The following NPSR1 variants were observed in gnomAD, a reference collection of about 807,000 sequenced individuals.
NPSR1 encodes the protein neuropeptide S receptor 1, also known as neuropeptide S receptor.
In NPSR1, 48 loss-of-function variants were observed where a neutral mutation model predicts 46.9. The ratio of observed to expected loss-of-function variants is 1.02; its 90% confidence interval spans 0.81 to 1.30. The LOEUF is 1.30. Among genes scored for constraint, NPSR1 ranks in the 50% most tolerant of loss-of-function variants. The probability of loss-of-function intolerance (pLI) is 0.00; values close to 1 mark genes in which losing one functional copy is unlikely to be tolerated. For synonymous variants in NPSR1, 176 were observed against 168.1 expected (o/e 1.05, Z -0.36); for missense variants, 450 against 449.5 (o/e 1.00, Z -0.01).
chr7:34,802,194 T>G (rs1788454933), intron 3 of NPSR1, among the ~76,000 whole-genome samples: 1 of 150,416 alleles, frequency 6.6e-6, no homozygotes, highest in Non-Finnish European at 1.5e-5. Context: ...ATGACTTTCT[T>G]CACAGAATTG....
intron 1 of NPSR1, among the ~76,000 whole-genome samples, chr7:34,666,204 C>T (rs1302089295): frequency 6.6e-6 from 1 of 152,088 alleles, no homozygotes; most frequent in Non-Finnish European, 1.5e-5. Context: ...ATGATGCTAT[C>T]GGATTTTGGG....
chr7:34,694,845 G>C (rs1212865464), intron 2 of NPSR1, among the ~76,000 whole-genome samples: 3 of 152,158 alleles, frequency 2.0e-5, no homozygotes, highest in Admixed American at 2.0e-4. Flanking sequence ...GAGTAGCTGG[G>C]ACTACAGGTG....
At chr7:34,669,333 C>T (rs552586587) in intron 1 of NPSR1, among the ~76,000 whole-genome samples, 16 of 152,100 alleles carry the variant, frequency 1.1e-4, no homozygotes, top group Non-Finnish European at 1.3e-4. Context: ...GAGATCAAAG[C>T]GGGTGGATCA....
At position 34,837,447 on chromosome 7, in the gene NPSR1, T is replaced by G. The variant is rs529064716; in HGVS notation, c.757+2987T>G. On this transcript the variant is annotated intron_variant, in intron 6 of 8. Transcript: ENST00000360581. Reference sequence around the variant, plus strand: ...TGGAGCAGCTCCTGTCTGCCACTGCTAGGTCCTTTCCTTGTGTTCTTCCCT... The same window carrying G: ...TGGAGCAGCTCCTGTCTGCCACTGCGAGGTCCTTTCCTTGTGTTCTTCCCT... Among the ~76,000 whole-genome samples, 74 of 152,364 alleles carry G rather than the reference T, an allele frequency of 4.9e-4. 1 individual carries two copies. The highest frequency in any genetic ancestry group is 2.1e-3 in the Admixed American group (32 of 15,310).
intron 8 of NPSR1, among the ~76,000 whole-genome samples, chr7:34,861,064 T>C (rs937143731): frequency 7.2e-5 from 11 of 152,012 alleles, no homozygotes; most frequent in African/African-American, 2.7e-4. Flanking sequence ...CCAATGCTGA[T>C]TGAGGCTTCG....
At chr7:34,860,829 T>C (rs937215737) in intron 8 of NPSR1, among the ~76,000 whole-genome samples, 2 of 151,818 alleles carry the variant, frequency 1.3e-5, no homozygotes, top group African/African-American at 2.4e-5. Context: ...TTCTCAGACT[T>C]GGCCCCTCCT....
At chr7:34,771,225 G>A (rs976731345) in intron 2 of NPSR1, among the ~76,000 whole-genome samples, 6 of 152,074 alleles carry the variant, frequency 3.9e-5, no homozygotes, top group African/African-American at 7.2e-5. Flanking sequence ...ACTTGAGCCC[G>A]GGAGTTCAAG....
chr7:34,827,371 C>T (rs1789905461), intron 4 of NPSR1, 30 bp from the exon 5 acceptor site: 1 of 1,606,404 alleles, frequency 6.2e-7, no homozygotes, highest in Non-Finnish European at 8.5e-7. Context: ...TTGCCACATA[C>T]CCAGACATTC....
At chr7:34,834,131 G>A (rs558679477) in intron 5 of NPSR1, 13 of 505,204 alleles carry the variant, frequency 2.6e-5, no homozygotes, top group Non-Finnish European at 4.2e-5. Context: ...AAACCATTTG[G>A]GCTACCTTGA....
At chr7:34,827,758 G>A (rs1290394894) in intron 5 of NPSR1, among the ~76,000 whole-genome samples, 156 bp downstream of exon 5, 2 of 152,144 alleles carry the variant, frequency 1.3e-5, no homozygotes, top group East Asian at 1.9e-4. Context: ...GCTACCATAG[G>A]CTAAGCCCAA....
chr7:34,718,710 CTG>C (rs142635024), intron 2 of NPSR1, among the ~76,000 whole-genome samples: 9,075 of 152,198 alleles, frequency 0.06, 350 homozygotes, highest in Middle Eastern at 0.13. Flanking sequence ...TGCTGAGCCT[CTG>C]TGTTTGTGAG....
intron 1 of NPSR1, among the ~76,000 whole-genome samples, chr7:34,659,748 A>G (rs1791359187): frequency 6.6e-6 from 1 of 152,162 alleles, no homozygotes; most frequent in African/African-American, 2.4e-5. Flanking sequence ...TGTAGCTTAG[A>G]AAGTAAAATT....
intron 3 of NPSR1, among the ~76,000 whole-genome samples, chr7:34,786,291 T>C (rs1787464234): frequency 6.6e-6 from 1 of 152,170 alleles, no homozygotes; most frequent in Admixed American, 6.6e-5. Context: ...TGCTCATCCA[T>C]AATAAGCAAT....
chr7:34,808,714 C>T (rs1046290086), intron 3 of NPSR1, among the ~76,000 whole-genome samples: 1 of 152,062 alleles, frequency 6.6e-6, no homozygotes, highest in African/African-American at 2.4e-5. Context: ...TCTGAGAAAA[C>T]TGTTCTGTGC....
At chr7:34,844,324 T>A (rs1435990315) in intron 6 of NPSR1, among the ~76,000 whole-genome samples, 1 of 152,218 alleles carries the variant, frequency 6.6e-6, no homozygotes, top group Non-Finnish European at 1.5e-5. Context: ...TAGATTCTTA[T>A]ATTTACCCCT....
intron 2 of NPSR1, among the ~76,000 whole-genome samples, chr7:34,747,739 C>A (rs1785282691): frequency 1.3e-5 from 2 of 152,200 alleles, no homozygotes; most frequent in African/African-American, 4.8e-5. Flanking sequence ...TAATTGACTG[C>A]AATTAAGTTT....
At chr7:34,774,305 T>G (rs1442330951) in intron 2 of NPSR1, among the ~76,000 whole-genome samples, 1 of 152,216 alleles carries the variant, frequency 6.6e-6, no homozygotes, top group Non-Finnish European at 1.5e-5. Context: ...GTGTGAGCTA[T>G]GCAAGGGCAC....
In NPSR1 at chr7:34,751,371, G is replaced by C. The variant is rs555409791; in HGVS notation, c.281-27091G>C. ...AAGCAGCTGCAGAGAGGTCTGGGTT[G>C]CTATAGAGGCCTGAGTTGTTGTAGA... On this transcript the variant is annotated intron_variant, in intron 2 of 8. Transcript: ENST00000360581. 398 of 1,032,140 alleles carry C rather than the reference G, an allele frequency of 3.9e-4. 1 individual carries two copies. The African/African-American group carries it at 5.0e-3, about 13-fold the overall frequency. 63.9% of individuals were successfully genotyped at this position (1,032,140 alleles called of 1,614,324 possible).
chr7:34,751,188 C>G (rs1274627340), intron 2 of NPSR1: 8 of 1,114,630 alleles, frequency 7.2e-6, no homozygotes, highest in Non-Finnish European at 9.7e-6. Context: ...TCCAGGGGTC[C>G]ACCAGATTGG....
Sources: allele counts gnomAD v4.1 joint callset (sites outside exome capture counted in the v4.1 genomes callset), GRCh38; gene constraint gnomAD v4.1.1; transcripts MANE v1.5; gene names NCBI Gene and HGNC (gene_info 2026-07-23, HGNC 2026-07-21).